DOK5: variants seen among roughly 807,000 people sequenced by gnomAD.
DOK5 encodes docking protein 5, also known as downstream of tyrosine kinase 5.
Under a neutral mutation model 43.3 loss-of-function variants are expected in DOK5, and 27 were observed. The observed-to-expected ratio is 0.62, with a 90% CI of 0.46 to 0.86. The LOEUF is 0.86. Among genes scored for constraint, DOK5 ranks in the 40% least tolerant of loss-of-function variants. The pLI is 0.00. For missense variants in DOK5, 373 were observed against 392.9 expected, an observed-to-expected ratio of 0.95 and a Z score of 0.43; for synonymous variants, 146 against 140.1, an observed-to-expected ratio of 1.04 and a Z score of -0.30.
At chr20:54,477,793 A>G (rs1981494056) in intron 1 of DOK5, among the ~76,000 whole-genome samples, 1 of 152,242 alleles carries the variant, frequency 6.6e-6, no homozygotes, top group South Asian at 2.1e-4. Context: ...TGAATTATTC[A>G]TAAGGATCAG....
intron 6 of DOK5, among the ~76,000 whole-genome samples, chr20:54,631,430 G>GGA (rs1978560872): frequency 6.7e-6 from 1 of 149,774 alleles, no homozygotes; most frequent in African/African-American, 2.5e-5. Flanking sequence ...TAAAGAAAGA[G>GGA]AAGAAAGGAA....
chr20:54,490,202 G>T (rs1421354765), intron 1 of DOK5, among the ~76,000 whole-genome samples: 1 of 152,074 alleles, frequency 6.6e-6, no homozygotes, highest in East Asian at 1.9e-4. Flanking sequence ...ACCTTCCTGG[G>T]AAATGGCTCA....
intron 1 of DOK5, among the ~76,000 whole-genome samples, chr20:54,521,260 A>G (rs1983384690): frequency 6.6e-6 from 1 of 152,104 alleles, no homozygotes; most frequent in African/African-American, 2.4e-5. Context: ...AATAATAATT[A>G]GTGCTCAGCA....
At chr20:54,619,460 C>T (rs746059001) in intron 6 of DOK5, among the ~76,000 whole-genome samples, 7 of 152,256 alleles carry the variant, frequency 4.6e-5, no homozygotes, top group East Asian at 1.9e-4. Flanking sequence ...CCTCATTCCA[C>T]GACTGGGCTT....
intron 2 of DOK5, among the ~76,000 whole-genome samples, chr20:54,579,939 T>A (rs6091924): frequency 0.016 from 2,377 of 152,040 alleles, 59 homozygotes; most frequent in African/African-American, 0.054. Context: ...TAGCCCTCCA[T>A]CCCCCGACAG....
At chr20:54,514,953 G>C (rs1223157926) in intron 1 of DOK5, among the ~76,000 whole-genome samples, 1 of 148,088 alleles carries the variant, frequency 6.8e-6, no homozygotes, top group African/African-American at 2.5e-5. Context: ...TTTTTTTAAA[G>C]AAAATAAATA....
intron 1 of DOK5, among the ~76,000 whole-genome samples, chr20:54,502,690 T>G (rs1307013408): frequency 1.3e-5 from 2 of 152,196 alleles, no homozygotes; most frequent in Non-Finnish European, 2.9e-5. Flanking sequence ...ATATGCGCTA[T>G]CCATTATTCT....
intron 1 of DOK5, among the ~76,000 whole-genome samples, chr20:54,506,900 G>A (rs943721186): frequency 3.3e-5 from 5 of 152,148 alleles, no homozygotes; most frequent in Admixed American, 2.6e-4. Context: ...TGCAGCTTTC[G>A]GGGAATCACA....
intron 5 of DOK5, among the ~76,000 whole-genome samples, chr20:54,610,157 G>T (rs1986599739): frequency 6.6e-6 from 1 of 152,200 alleles, no homozygotes; most frequent in African/African-American, 2.4e-5. Context: ...TTTACTTTGT[G>T]ATAAAACCAT....
chr20:54,624,406 G>A (rs1987075830), intron 6 of DOK5, among the ~76,000 whole-genome samples: 1 of 152,226 alleles, frequency 6.6e-6, no homozygotes, highest in African/African-American at 2.4e-5. Context: ...CCTCTGGAAG[G>A]CAGGGACAAG....
intron 5 of DOK5, among the ~76,000 whole-genome samples, chr20:54,596,895 G>C (rs1214098009): frequency 6.6e-6 from 1 of 152,088 alleles, no homozygotes; most frequent in African/African-American, 2.4e-5. Flanking sequence ...CTTCATTCTA[G>C]CTCCATATGG....
At chr20:54,618,119 G>T (rs1013560808) in intron 6 of DOK5, among the ~76,000 whole-genome samples, 24 of 152,176 alleles carry the variant, frequency 1.6e-4, no homozygotes, top group African/African-American at 5.8e-4. Flanking sequence ...CATGATCCCT[G>T]ACCTGGAAGG....
intron 1 of DOK5, among the ~76,000 whole-genome samples, chr20:54,521,062 C>A (rs1983376917): frequency 6.6e-6 from 1 of 151,968 alleles, no homozygotes. Flanking sequence ...CATCACCTGG[C>A]CTTCTGGTTG....
chr20:54,549,912 A>G (rs1173955847), intron 1 of DOK5, among the ~76,000 whole-genome samples: 2 of 152,202 alleles, frequency 1.3e-5, no homozygotes, highest in Admixed American at 6.5e-5. Context: ...CTTTATTTGA[A>G]GAAGCAGAGT....
chr20:54,475,910 C>T lies in DOK5; in HGVS notation c.-37C>T. The stretch of plus-strand genomic sequence containing the variant: ...CCTCCCCAGAGCCACTTCGGGTGCG[C>T]GCTCTTGGGTAAAGGGGGGGTCACC... On this transcript the variant is annotated 5_prime_UTR_variant, in exon 1 of 8. Coordinates refer to ENST00000262593, the MANE Select transcript of DOK5 (RefSeq NM_018431.5). This position sits in a 1 kb window ranked among gnomAD's most constrained non-coding sequence, Gnocchi z 4.2. 1 of 1,608,898 alleles carries T rather than the reference C, an allele frequency of 6.2e-7. No individual in the cohort carries two copies. The highest frequency in any genetic ancestry group is 8.5e-7 in the Non-Finnish European group (1 of 1,178,622).
At chr20:54,596,455 G>A (rs1486642650) in intron 5 of DOK5, among the ~76,000 whole-genome samples, 1 of 152,186 alleles carries the variant, frequency 6.6e-6, no homozygotes, top group Non-Finnish European at 1.5e-5. Context: ...CTAGAACTGA[G>A]TGTTATTCCT....
At chr20:54,609,859 C>T (rs1369328684) in intron 5 of DOK5, among the ~76,000 whole-genome samples, 1 of 152,100 alleles carries the variant, frequency 6.6e-6, no homozygotes, top group Non-Finnish European at 1.5e-5. Flanking sequence ...GCATTTGATC[C>T]ATCACATTGA....
intron 2 of DOK5, among the ~76,000 whole-genome samples, chr20:54,567,499 G>A (rs1288715325): frequency 6.6e-6 from 1 of 152,034 alleles, no homozygotes; most frequent in Non-Finnish European, 1.5e-5. Context: ...GCATATTTAT[G>A]TGAGTCTGTT....
At chr20:54,605,852 T>G (rs1484885869) in intron 5 of DOK5, among the ~76,000 whole-genome samples, 2 of 152,242 alleles carry the variant, frequency 1.3e-5, no homozygotes, top group African/African-American at 4.8e-5. Flanking sequence ...GAAGCTCTCT[T>G]TACTTCAAGA....
Sources: allele counts gnomAD v4.1 joint callset (sites outside exome capture counted in the v4.1 genomes callset), GRCh38; gene constraint gnomAD v4.1.1; non-coding constraint Gnocchi (gnomAD v3.1); transcripts MANE v1.5; gene names NCBI Gene and HGNC (gene_info 2026-07-23, HGNC 2026-07-21).